Variants in NEDD4 observed in about 807,000 individuals in gnomAD.
NEDD4 encodes the protein NEDD4 E3 ubiquitin protein ligase.
NEDD4 carries 99 observed loss-of-function variants against 144.9 expected under a neutral mutation model. The ratio of observed to expected loss-of-function variants is 0.68; its 90% CI spans 0.58 to 0.81. The LOEUF (loss-of-function observed/expected upper bound fraction) is 0.81. Ranked by LOEUF, NEDD4 falls within the 30% of genes least tolerant of loss-of-function variation. NEDD4 has a pLI of 0.00. For synonymous variants in NEDD4, 318 were observed against 350.6 expected (o/e 0.91, Z 1.04); for missense variants, 985 against 1,065.9 (o/e 0.92, Z 1.06).
intron 1 of NEDD4, 41 bp downstream of exon 1, chr15:55,993,470 C>G: frequency 6.3e-7 from 1 of 1,591,180 alleles, no homozygotes; most frequent in Non-Finnish European, 8.5e-7. Flanking sequence ...TGCTGAATAA[C>G]CCGAAGGGAA....
chr15:55,861,415 A>C (rs1270070498), intron 9 of NEDD4, among the ~76,000 whole-genome samples: 1 of 152,168 alleles, frequency 6.6e-6, no homozygotes, highest in Non-Finnish European at 1.5e-5. Context: ...AATAAATCAG[A>C]TTGGACGGTT....
rs1317262386 is a variant in NEDD4 at position 55,957,824 on chromosome 15, G to C, written c.120-6235C>G. On this transcript the variant is annotated intron_variant, in intron 2 of 28. Coordinates refer to ENST00000435532, the MANE Select transcript of NEDD4 (RefSeq NM_006154.4). ...AGGATGAGTTCATGTCCTTTGCAGG[G>C]ACATGGGTGAAGCTGGAAACCATCA... Among the ~76,000 whole-genome samples the C allele has an allele frequency of 2.6e-5, 4 of 152,164 alleles. No individual in the cohort carries two copies. In the East Asian group the frequency reaches 7.7e-4, roughly 29 times the overall value.
intron 1 of NEDD4, among the ~76,000 whole-genome samples, chr15:55,977,154 G>A (rs1481783025): frequency 3.3e-5 from 5 of 152,076 alleles, no homozygotes; most frequent in Admixed American, 1.3e-4. Flanking sequence ...AGGAGGCCTC[G>A]CTAAATAAGA....
intron 1 of NEDD4, among the ~76,000 whole-genome samples, chr15:55,974,244 C>T (rs540370242): frequency 2.0e-5 from 3 of 152,088 alleles, no homozygotes; most frequent in African/African-American, 7.2e-5. Context: ...ATAAAAAGAC[C>T]AGTAACAAAT....
chr15:55,852,728 C>T (rs114910958), intron 12 of NEDD4, among the ~76,000 whole-genome samples, 185 bp from the exon 13 acceptor site: 2,502 of 133,344 alleles, frequency 0.019, 76 homozygotes, highest in African/African-American at 0.075. Flanking sequence ...TATATATTTA[C>T]CTTTTCTGAG....
At chr15:55,854,463 G>A (rs2034115458) in intron 12 of NEDD4, among the ~76,000 whole-genome samples, 1 of 152,152 alleles carries the variant, frequency 6.6e-6, no homozygotes, top group Non-Finnish European at 1.5e-5. Context: ...ATAGAGGCAT[G>A]CAATAACATG....
At chr15:55,896,629 C>A (rs1247647745) in intron 5 of NEDD4, among the ~76,000 whole-genome samples, 1 of 152,140 alleles carries the variant, frequency 6.6e-6, no homozygotes, top group Non-Finnish European at 1.5e-5. Context: ...TTGAGGTCAA[C>A]AAATACTAGT....
chr15:55,925,772 T>TAC (rs2036650021), intron 4 of NEDD4, among the ~76,000 whole-genome samples: 1 of 152,146 alleles, frequency 6.6e-6, no homozygotes, highest in Non-Finnish European at 1.5e-5. Flanking sequence ...TAGTTTTACC[T>TAC]ACAGCCACGT....
chr15:55,889,661 AC>A (rs1379668810), intron 5 of NEDD4, among the ~76,000 whole-genome samples: 4 of 152,074 alleles, frequency 2.6e-5, no homozygotes, highest in African/African-American at 9.7e-5. Context: ...GAATAGGGTA[AC>A]TTTAGTCAAA....
chr15:55,965,927 C>T (rs546640054), intron 2 of NEDD4, among the ~76,000 whole-genome samples: 10 of 152,174 alleles, frequency 6.6e-5, no homozygotes, highest in Non-Finnish European at 1.2e-4. Flanking sequence ...ACTAAGATTA[C>T]AGGCATGAGC....
chr15:55,894,028 G>A (rs2035658148), intron 5 of NEDD4, among the ~76,000 whole-genome samples: 1 of 152,002 alleles, frequency 6.6e-6, no homozygotes, highest in South Asian at 2.1e-4. Context: ...ATGAGGAAAT[G>A]GAGTTAGATA....
intron 8 of NEDD4, among the ~76,000 whole-genome samples, chr15:55,863,980 C>T (rs200103497): frequency 1.3e-5 from 2 of 152,118 alleles, no homozygotes; most frequent in African/African-American, 4.8e-5. Context: ...GGCATTTTAT[C>T]AAGTCATAAA....
intron 4 of NEDD4, among the ~76,000 whole-genome samples, chr15:55,934,359 T>C (rs1345573662): frequency 6.6e-6 from 1 of 152,192 alleles, no homozygotes; most frequent in Non-Finnish European, 1.5e-5. Flanking sequence ...TTGTTATCAG[T>C]TGATGGACAT....
chr15:55,884,942 G>C (rs1159348533), intron 5 of NEDD4, among the ~76,000 whole-genome samples: 1 of 152,156 alleles, frequency 6.6e-6, no homozygotes, highest in Non-Finnish European at 1.5e-5. Context: ...CAATATTCAA[G>C]TACAAGAAGG....
At chr15:55,916,788 T>C in intron 5 of NEDD4, 1 of 1,610,122 alleles carries the variant, frequency 6.2e-7, no homozygotes, top group Non-Finnish European at 8.5e-7. Context: ...AGGGTAAGTA[T>C]TGCTTCTTCT....
intron 8 of NEDD4, among the ~76,000 whole-genome samples, chr15:55,865,932 C>T (rs551760890): frequency 6.8e-6 from 1 of 147,014 alleles, no homozygotes; most frequent in East Asian, 2.3e-4. Context: ...AGGGGAATTT[C>T]TCTCTTTCTT....
chr15:55,982,502 T>C (rs2037820639), intron 1 of NEDD4, among the ~76,000 whole-genome samples: 1 of 152,054 alleles, frequency 6.6e-6, no homozygotes, highest in African/African-American at 2.4e-5. Context: ...AAAGAGTACA[T>C]AATGTACATT....
intron 4 of NEDD4, among the ~76,000 whole-genome samples, chr15:55,937,839 G>T (rs1260786532): frequency 6.6e-6 from 1 of 152,076 alleles, no homozygotes; most frequent in Non-Finnish European, 1.5e-5. Flanking sequence ...AATTCATACA[G>T]AACTACAAAA....
At chr15:55,927,817 GC>G (rs2036703742) in intron 4 of NEDD4, among the ~76,000 whole-genome samples, 1 of 152,156 alleles carries the variant, frequency 6.6e-6, no homozygotes, top group Non-Finnish European at 1.5e-5. Flanking sequence ...AGTCAGCAGA[GC>G]TTTGCTTAGG....
Sources: allele counts gnomAD v4.1 joint callset (sites outside exome capture counted in the v4.1 genomes callset), GRCh38; gene constraint gnomAD v4.1.1; transcripts MANE v1.5; gene names NCBI Gene and HGNC (gene_info 2026-07-23, HGNC 2026-07-21).